The following KCND3 variants were observed in gnomAD, a reference collection of about 807,000 sequenced individuals.
The protein encoded by KCND3 is A-type voltage-gated potassium channel KCND3.
In KCND3, 9 loss-of-function variants were observed where a neutral mutation model predicts 51.1. The observed-to-expected ratio is 0.18, with a 90% CI of 0.11 to 0.31. KCND3 has a LOEUF of 0.31. KCND3 is among the 10% of genes least tolerant of loss of function. The probability of loss-of-function intolerance (pLI) is 1.00; values close to 1 mark genes in which losing one functional copy is unlikely to be tolerated. For missense variants in KCND3, 526 were observed against 903.8 expected (o/e 0.58, Z 5.36); for synonymous variants, 349 against 368.0 (o/e 0.95, Z 0.59).
At chr1:111,832,101 C>A (rs1215784264) in intron 2 of KCND3, among the ~76,000 whole-genome samples, 1 of 152,214 alleles carries the variant, frequency 6.6e-6, no homozygotes, top group Non-Finnish European at 1.5e-5. Flanking sequence ...CCACAGGTCT[C>A]CCCTTACTCA....
At chr1:111,787,980 A>G (rs913916888) in intron 2 of KCND3, among the ~76,000 whole-genome samples, 2 of 152,230 alleles carry the variant, frequency 1.3e-5, no homozygotes, top group Non-Finnish European at 2.9e-5. Flanking sequence ...GAGGAGGACC[A>G]TGAGCTCTGA....
At chr1:111,799,630 G>C (rs960302254) in intron 2 of KCND3, among the ~76,000 whole-genome samples, 2 of 152,194 alleles carry the variant, frequency 1.3e-5, no homozygotes, top group African/African-American at 4.8e-5. Context: ...AGACCAGAGA[G>C]CTGCCTGCAC....
At chr1:111,806,119 G>C (rs1208159931) in intron 2 of KCND3, among the ~76,000 whole-genome samples, 4 of 152,148 alleles carry the variant, frequency 2.6e-5, no homozygotes, top group East Asian at 1.9e-4. Context: ...CAGATGCTGG[G>C]TCCTCACCTG....
intron 2 of KCND3, among the ~76,000 whole-genome samples, chr1:111,921,069 A>T (rs1293372366): frequency 6.6e-6 from 1 of 152,114 alleles, no homozygotes; most frequent in Non-Finnish European, 1.5e-5. Context: ...AAGGAAAACT[A>T]ACATGGTTGA....
chr1:111,877,334 G>T (rs1669095803), intron 2 of KCND3, among the ~76,000 whole-genome samples: 1 of 152,230 alleles, frequency 6.6e-6, no homozygotes, highest in South Asian at 2.1e-4. Context: ...AAAAATGCTT[G>T]AAGCTCCATC....
intron 1 of KCND3, among the ~76,000 whole-genome samples, chr1:111,985,634 C>T (rs899304373): frequency 2.0e-5 from 3 of 152,156 alleles, no homozygotes; most frequent in Non-Finnish European, 2.9e-5. Context: ...CAAGGGTGAG[C>T]GTTCTTTCTC....
intron 2 of KCND3, among the ~76,000 whole-genome samples, chr1:111,847,043 A>G (rs534491791): frequency 6.6e-6 from 1 of 152,344 alleles, no homozygotes; most frequent in African/African-American, 2.4e-5. Flanking sequence ...CTTGGCAAAT[A>G]TCTACAGGCA....
chr1:111,825,686 T>G (rs1322592965), intron 2 of KCND3, among the ~76,000 whole-genome samples: 2 of 152,214 alleles, frequency 1.3e-5, no homozygotes, highest in East Asian at 3.8e-4. Flanking sequence ...TCATTGTATT[T>G]TGTTTTCTTC....
At chr1:111,857,816 T>C (rs1668150357) in intron 2 of KCND3, among the ~76,000 whole-genome samples, 1 of 152,086 alleles carries the variant, frequency 6.6e-6, no homozygotes, top group African/African-American at 2.4e-5. Context: ...TTTTTCTTAA[T>C]AGTACATTTA....
Position 111,780,934 on chromosome 1 carries a change from A to G in KCND3, c.1270-143T>C. Reference sequence around the variant, plus strand: ...TTTCTCTCCAACCTCATGCATCTCCAGTTGTGTACCCACTTTGTATAGCTT... The same window carrying G: ...TTTCTCTCCAACCTCATGCATCTCCGGTTGTGTACCCACTTTGTATAGCTT... On this transcript the variant is annotated intron_variant, in intron 3 of 7. Coordinates refer to ENST00000302127, the MANE Select transcript of KCND3 (RefSeq NM_001378969.1). The surrounding 1 kb of genome is among the most constrained non-coding windows in gnomAD (Gnocchi z 4.2). 2.7e-6 allele frequency: 2 copies of G among 729,750 alleles called. No homozygotes were observed. The highest frequency in any genetic ancestry group is 3.0e-5 in the South Asian group (2 of 67,270). The allele number at this position is 729,750 out of a possible 1,614,324, so 45.2% of individuals were successfully genotyped here. A position where few individuals can be genotyped will look rare whatever the true frequency, so the allele number is the denominator to read the frequency against.
At chr1:111,962,652 G>C (rs866668833) in intron 2 of KCND3, among the ~76,000 whole-genome samples, 2 of 152,296 alleles carry the variant, frequency 1.3e-5, no homozygotes, top group Middle Eastern at 3.4e-3. Context: ...TGCCTGTCCA[G>C]ACCTTCTTTG....
At chr1:111,905,781 A>G (rs1014141106) in intron 2 of KCND3, among the ~76,000 whole-genome samples, 1 of 152,130 alleles carries the variant, frequency 6.6e-6, no homozygotes. Flanking sequence ...AGGAACAGTA[A>G]TGCCTGGGCC....
chr1:111,872,249 T>C (rs1242932842), intron 2 of KCND3, among the ~76,000 whole-genome samples: 2 of 152,156 alleles, frequency 1.3e-5, no homozygotes, highest in Non-Finnish European at 2.9e-5. Context: ...ATTTCCAAGG[T>C]GTGCTCCACA....
At chr1:111,921,092 A>G (rs1204012101) in intron 2 of KCND3, among the ~76,000 whole-genome samples, 2 of 152,150 alleles carry the variant, frequency 1.3e-5, no homozygotes, top group African/African-American at 4.8e-5. Context: ...TCCTACACTT[A>G]GCCAGCCACT....
intron 2 of KCND3, among the ~76,000 whole-genome samples, chr1:111,835,218 G>T (rs1392547777): frequency 6.6e-6 from 1 of 152,200 alleles, no homozygotes; most frequent in African/African-American, 2.4e-5. Flanking sequence ...GCCCCTGCGG[G>T]GAGCCTCCGT....
intron 2 of KCND3, among the ~76,000 whole-genome samples, chr1:111,840,646 T>C (rs1183058567): frequency 2.0e-5 from 3 of 152,164 alleles, no homozygotes; most frequent in Non-Finnish European, 4.4e-5. Flanking sequence ...GACTGTAATA[T>C]AGACATTTCA....
At position 111,780,926 on chromosome 1, in the gene KCND3, G is replaced by T; in HGVS notation, c.1270-135C>A. On this transcript the variant is annotated intron_variant, in intron 3 of 7. Coordinates refer to ENST00000302127, the MANE Select transcript of KCND3 (RefSeq NM_001378969.1). The surrounding 1 kb of genome is among the most constrained non-coding windows in gnomAD (Gnocchi z 4.2). The stretch of plus-strand genomic sequence containing the variant: ...TGAGGCTGTTTCTCTCCAACCTCAT[G>T]CATCTCCAGTTGTGTACCCACTTTG... 1 of 747,066 alleles carries T rather than the reference G, an allele frequency of 1.3e-6. No homozygotes were observed. The highest frequency in any genetic ancestry group is 2.3e-6 in the Non-Finnish European group (1 of 427,078). The allele number at this position is 747,066 out of a possible 1,614,324, so 46.3% of individuals were successfully genotyped here.
chr1:111,811,372 T>C (rs1159625833), intron 2 of KCND3, among the ~76,000 whole-genome samples: 1 of 152,054 alleles, frequency 6.6e-6, no homozygotes, highest in African/African-American at 2.4e-5. Context: ...AACCAGAAAA[T>C]ACTACACCAA....
chr1:111,961,128 T>C (rs1673631206), intron 2 of KCND3, among the ~76,000 whole-genome samples: 1 of 152,216 alleles, frequency 6.6e-6, no homozygotes. Flanking sequence ...CCTCCCTGGC[T>C]TAGCAGCCAG....
Sources: allele counts gnomAD v4.1 joint callset (sites outside exome capture counted in the v4.1 genomes callset), GRCh38; gene constraint gnomAD v4.1.1; non-coding constraint Gnocchi (gnomAD v3.1); transcripts MANE v1.5; gene names NCBI Gene and HGNC (gene_info 2026-07-23, HGNC 2026-07-21).